The following PARN variants were observed in gnomAD, a reference collection of about 807,000 sequenced individuals.
PARN encodes the protein poly(A)-specific ribonuclease.
A neutral mutation model predicts 102.8 loss-of-function variants in PARN; 71 were observed. The ratio of observed to expected loss-of-function variants is 0.69; its 90% CI spans 0.57 to 0.84. The LOEUF is 0.84. PARN is among the 40% of genes least tolerant of loss of function. PARN has a pLI of 0.00. For synonymous variants in PARN, 261 were observed against 252.9 expected (o/e 1.03, Z -0.30); for missense variants, 782 against 760.9 (o/e 1.03, Z -0.33).
intron 21 of PARN, among the ~76,000 whole-genome samples, chr16:14,497,536 CTTG>C (rs1408443045): frequency 6.6e-6 from 1 of 152,204 alleles, no homozygotes; most frequent in Non-Finnish European, 1.5e-5. Context: ...ACTTTGGCAA[CTTG>C]TTGGGCTGTT....
rs575321708 is a variant in PARN, at chr16:14,619,794, G to A, written c.328-2144C>T. On this transcript the variant is annotated intron_variant, in intron 5 of 23. Transcript: ENST00000437198. Reference sequence around the variant, plus strand: ...TTAAAAAAAAAACAAAAAACAGGTTGAGTGTGATGGCTCATGCCTGTAATC... The same window carrying A: ...TTAAAAAAAAAACAAAAAACAGGTTAAGTGTGATGGCTCATGCCTGTAATC... 1.1e-3 allele frequency among the ~76,000 whole-genome samples: 167 copies of A among 152,066 alleles called. 1 individual carries two copies. The highest frequency in any genetic ancestry group is 3.4e-3 in the African/African-American group (142 of 41,528).
intron 6 of PARN, among the ~76,000 whole-genome samples, chr16:14,616,079 G>A (rs1400471785): frequency 6.6e-6 from 1 of 151,838 alleles, no homozygotes; most frequent in Non-Finnish European, 1.5e-5. Context: ...CATTCACCAT[G>A]GGGGAAAAAA....
rs185328717 is a variant in PARN, at chr16:14,545,909, T to C, written c.1480+6112A>G. Among the ~76,000 whole-genome samples the C allele has an allele frequency of 1.2e-4, 18 of 152,192 alleles. No individual in the cohort carries two copies. In the East Asian group the frequency reaches 3.3e-3, roughly 28 times the overall value. Reference sequence around the variant, plus strand: ...AAGAAGAACCAATCACATACGGTTCTAGCTCAAGAAACTGAGAAAAGAAGA... The same window carrying C: ...AAGAAGAACCAATCACATACGGTTCCAGCTCAAGAAACTGAGAAAAGAAGA... On this transcript the variant is annotated intron_variant, in intron 21 of 23. Coordinates refer to ENST00000437198, the MANE Select transcript of PARN (RefSeq NM_002582.4).
chr16:14,611,777 C>T (rs570813661), intron 6 of PARN, among the ~76,000 whole-genome samples: 30 of 152,194 alleles, frequency 2.0e-4, no homozygotes, highest in African/African-American at 6.0e-4. Flanking sequence ...CAGACCTCAC[C>T]GCCTGCCTCA....
intron 21 of PARN, among the ~76,000 whole-genome samples, chr16:14,524,241 TTTTG>T (rs1965882343): frequency 6.6e-6 from 1 of 151,672 alleles, no homozygotes; most frequent in Non-Finnish European, 1.5e-5. Context: ...GACTTCTTTA[TTTTG>T]TTTGTTTTTT....
At chr16:14,522,539 T>C (rs894665146) in intron 21 of PARN, among the ~76,000 whole-genome samples, 1 of 151,336 alleles carries the variant, frequency 6.6e-6, no homozygotes, top group Admixed American at 6.6e-5. Context: ...AGGGGAGAAA[T>C]AAGAGAAAAT....
chr16:14,602,679 A>C (rs559829321), intron 11 of PARN, among the ~76,000 whole-genome samples: 14 of 152,174 alleles, frequency 9.2e-5, no homozygotes, highest in African/African-American at 3.4e-4. Context: ...ATCAGGAGGG[A>C]AGGGTGGGAG....
intron 23 of PARN, among the ~76,000 whole-genome samples, chr16:14,445,694 C>T (rs1961169898): frequency 6.6e-6 from 1 of 152,208 alleles, no homozygotes; most frequent in African/African-American, 2.4e-5. Flanking sequence ...TCCTTAGTAG[C>T]TGGGACTACC....
intron 18 of PARN, among the ~76,000 whole-genome samples, chr16:14,561,171 A>AG (rs1490355266): frequency 6.6e-6 from 1 of 152,022 alleles, no homozygotes; most frequent in Non-Finnish European, 1.5e-5. Context: ...AAAAAAAAAA[A>AG]AAAAGAAAAG....
chr16:14,595,539 A>AT lies in PARN; in HGVS notation c.841-2162dup, dbSNP rs553244099. 5.7e-3 allele frequency among the ~76,000 whole-genome samples: 836 copies of AT among 147,456 alleles called. 5 individuals are homozygous for AT. The highest frequency in any genetic ancestry group is 0.017 in the Admixed American group (247 of 14,754). On this transcript the variant is annotated intron_variant, in intron 12 of 23. Transcript: ENST00000437198. ...GCCACCACTCCTGGCTAATTTTTTA[A>AT]TTTTTTTTTTTGAAATGCAGTCTTG...
chr16:14,541,142 G>A (rs111482909), intron 21 of PARN, among the ~76,000 whole-genome samples: 26,507 of 144,662 alleles, frequency 0.18, 2,720 homozygotes, highest in Middle Eastern at 0.27. Flanking sequence ...TTTTTTTAAA[G>A]CACAGGTTTT....
chr16:14,598,098 T>G (rs917350794), intron 12 of PARN, among the ~76,000 whole-genome samples: 10 of 151,962 alleles, frequency 6.6e-5, no homozygotes, highest in Non-Finnish European at 1.5e-5. Flanking sequence ...GAGCCAGGAT[T>G]GCGCCACTGC....
chr16:14,578,380 C>G (rs528323328), intron 18 of PARN, among the ~76,000 whole-genome samples: 1 of 147,202 alleles, frequency 6.8e-6, no homozygotes, highest in Non-Finnish European at 1.5e-5. Context: ...CTTGGCTAGG[C>G]GCGGTGACTA....
chr16:14,451,872 A>C (rs1382086985), intron 22 of PARN, among the ~76,000 whole-genome samples: 96 of 65,990 alleles, frequency 1.5e-3, no homozygotes, highest in Non-Finnish European at 2.1e-3. Context: ...AAAAATACAA[A>C]AAAAAAAAAA....
intron 14 of PARN, among the ~76,000 whole-genome samples, chr16:14,584,996 T>C (rs917464189): frequency 1.3e-5 from 2 of 152,226 alleles, no homozygotes; most frequent in Non-Finnish European, 2.9e-5. Flanking sequence ...CCCTGCTACG[T>C]TGGAGTAGGT....
chr16:14,514,290 T>C (rs1397750430), intron 21 of PARN, among the ~76,000 whole-genome samples: 1 of 152,192 alleles, frequency 6.6e-6, no homozygotes, highest in Non-Finnish European at 1.5e-5. Context: ...GTTCACACCA[T>C]TCTCCTGCCT....
At chr16:14,579,916 C>T (rs1223471355) in intron 18 of PARN, among the ~76,000 whole-genome samples, 2 of 151,786 alleles carry the variant, frequency 1.3e-5, no homozygotes, top group African/African-American at 4.8e-5. Context: ...GCAGACATTG[C>T]CGTGAGCTGA....
intron 3 of PARN, among the ~76,000 whole-genome samples, chr16:14,627,579 G>C (rs903522492): frequency 6.6e-6 from 1 of 152,166 alleles, no homozygotes; most frequent in Non-Finnish European, 1.5e-5. Context: ...ATTTCCAAAT[G>C]ATTAAAATAA....
At chr16:14,540,059 T>G (rs980577622) in intron 21 of PARN, among the ~76,000 whole-genome samples, 3 of 152,250 alleles carry the variant, frequency 2.0e-5, no homozygotes, top group African/African-American at 7.2e-5. Context: ...GCCTGGATTT[T>G]GAAGTCTGCA....
Sources: allele counts gnomAD v4.1 joint callset (sites outside exome capture counted in the v4.1 genomes callset), GRCh38; gene constraint gnomAD v4.1.1; transcripts MANE v1.5; gene names NCBI Gene and HGNC (gene_info 2026-07-23, HGNC 2026-07-21).